Variants in CADM2 observed in about 807,000 individuals in gnomAD.
CADM2 encodes cell adhesion molecule 2.
A neutral mutation model predicts 49.8 loss-of-function variants in CADM2; 12 were observed. The ratio of observed to expected loss-of-function variants is 0.24; its 90% CI spans 0.15 to 0.39. CADM2 has a LOEUF of 0.39. CADM2 is among the 10% of genes least tolerant of loss of function. The pLI, the probability that CADM2 is intolerant of heterozygous loss-of-function variation, is 1.00. For synonymous variants in CADM2, 214 were observed against 175.4 expected (o/e 1.22, Z -1.74); for missense variants, 378 against 492.3 (o/e 0.77, Z 2.20).
At chr3:85,231,495 G>C (rs1005892744) in intron 1 of CADM2, among the ~76,000 whole-genome samples, 1 of 151,918 alleles carries the variant, frequency 6.6e-6, no homozygotes, top group Non-Finnish European at 1.5e-5. Flanking sequence ...TCAGAGGTGG[G>C]CAAACACATG....
intron 1 of CADM2, among the ~76,000 whole-genome samples, chr3:85,682,341 T>G (rs144817883): frequency 4.7e-4 from 72 of 152,160 alleles, no homozygotes; most frequent in African/African-American, 1.6e-3. Flanking sequence ...CCTTTCTAAA[T>G]AGGAGGAAAG....
intron 1 of CADM2, among the ~76,000 whole-genome samples, chr3:85,340,618 G>A (rs1253820248): frequency 6.6e-6 from 1 of 151,192 alleles, no homozygotes; most frequent in African/African-American, 2.4e-5. Flanking sequence ...TAGGTTTTTT[G>A]GCTCAATGTA....
intron 1 of CADM2, among the ~76,000 whole-genome samples, chr3:85,424,299 T>C (rs74445352): frequency 0.021 from 3,124 of 151,738 alleles, 102 homozygotes; most frequent in African/African-American, 0.071. Context: ...AGATAGTAGA[T>C]TTAAAAAATT....
At chr3:85,317,607 G>A (rs1214833980) in intron 1 of CADM2, among the ~76,000 whole-genome samples, 1 of 152,142 alleles carries the variant, frequency 6.6e-6, no homozygotes, top group Non-Finnish European at 1.5e-5. Context: ...CACAGAGGAG[G>A]AACACTGTTT....
intron 1 of CADM2, among the ~76,000 whole-genome samples, chr3:84,980,889 G>A (rs2032134827): frequency 2.0e-5 from 3 of 152,108 alleles, no homozygotes; most frequent in Admixed American, 2.0e-4. Flanking sequence ...AAAATTGTTA[G>A]ATCCAGAATT....
At chr3:85,308,208 G>A (rs1381024659) in intron 1 of CADM2, among the ~76,000 whole-genome samples, 2 of 151,194 alleles carry the variant, frequency 1.3e-5, no homozygotes, top group Non-Finnish European at 3.0e-5. Context: ...TACTGAGTAG[G>A]GTGTGGGTTT....
At chr3:85,777,549 T>C (rs1481391157) in intron 2 of CADM2, among the ~76,000 whole-genome samples, 53 of 152,210 alleles carry the variant, frequency 3.5e-4, no homozygotes, top group Non-Finnish European at 2.9e-5. Flanking sequence ...CCACTGCACC[T>C]GGCCTGCTAT....
chr3:85,386,407 G>A (rs139778951), intron 1 of CADM2, among the ~76,000 whole-genome samples: 1 of 152,242 alleles, frequency 6.6e-6, no homozygotes, highest in East Asian at 1.9e-4. Context: ...CAACTAGATA[G>A]GGCAACTGAG....
intron 1 of CADM2, among the ~76,000 whole-genome samples, chr3:85,525,700 CAACTT>C (rs1237183263): frequency 1.3e-5 from 2 of 152,012 alleles, no homozygotes; most frequent in African/African-American, 2.4e-5. Flanking sequence ...TTTGATGTGT[CAACTT>C]AATTTATTCT....
intron 1 of CADM2, among the ~76,000 whole-genome samples, chr3:85,650,801 G>A (rs886097530): frequency 6.6e-6 from 1 of 151,208 alleles, no homozygotes; most frequent in Non-Finnish European, 1.5e-5. Context: ...TAATGAATAT[G>A]TATTTTGTTT....
At chr3:85,531,738 T>C (rs193283590) in intron 1 of CADM2, among the ~76,000 whole-genome samples, 1 of 152,090 alleles carries the variant, frequency 6.6e-6, no homozygotes, top group Admixed American at 6.5e-5. Context: ...CCATGATCTA[T>C]AAATAAACGA....
At chr3:85,738,666 T>C (rs1461677686) in intron 2 of CADM2, among the ~76,000 whole-genome samples, 1 of 152,234 alleles carries the variant, frequency 6.6e-6, no homozygotes, top group Non-Finnish European at 1.5e-5. Flanking sequence ...TTCTGCCTTT[T>C]TTCTTTTTAA....
intron 1 of CADM2, among the ~76,000 whole-genome samples, chr3:85,514,297 C>T (rs1394322582): frequency 6.6e-6 from 1 of 151,996 alleles, no homozygotes; most frequent in African/African-American, 2.4e-5. Flanking sequence ...ATTCTCTATT[C>T]ACGTTTTGTA....
At chr3:86,002,410 G>C (rs1158723476) in intron 8 of CADM2, among the ~76,000 whole-genome samples, 1 of 152,132 alleles carries the variant, frequency 6.6e-6, no homozygotes, top group Non-Finnish European at 1.5e-5. Context: ...TGAGTAGACA[G>C]ATGTCCAATT....
intron 1 of CADM2, among the ~76,000 whole-genome samples, chr3:85,089,168 G>C (rs2037499764): frequency 6.6e-6 from 1 of 152,122 alleles, no homozygotes; most frequent in South Asian, 2.1e-4. Flanking sequence ...TAATCTTGTG[G>C]TGGTTTTCTA....
chr3:85,900,753 C>T lies in CADM2; in HGVS notation c.530-11620C>T, dbSNP rs141270335. Among the ~76,000 whole-genome samples the T allele has an allele frequency of 7.9e-5, 12 of 152,200 alleles. No individual in the cohort carries two copies. In the East Asian group the frequency reaches 1.2e-3, roughly 15 times the overall value. On this transcript the variant is annotated intron_variant, in intron 5 of 9. Coordinates refer to ENST00000383699, the MANE Select transcript of CADM2 (RefSeq NM_001167675.2). ...ATTTGCTAGTTCCATAGCTCTCATC[C>T]GGTGATGGAGGGACTTAATTACTGC...
At chr3:85,232,617 A>G (rs1266501571) in intron 1 of CADM2, among the ~76,000 whole-genome samples, 1 of 152,182 alleles carries the variant, frequency 6.6e-6, no homozygotes, top group Non-Finnish European at 1.5e-5. Context: ...AAAAGATATG[A>G]ATAGATATCT....
rs980915476 is a variant in CADM2, at chr3:85,782,668, GA to G, written c.89-19369del. On this transcript the variant is annotated intron_variant, in intron 2 of 9. Coordinates refer to ENST00000383699, the MANE Select transcript of CADM2 (RefSeq NM_001167675.2). ...GAGACTCAGTCTCAAAAAAAAAAAA[GA>G]AAAAAAAAAGAAAAAAGAAATATAC... 2.8e-3 allele frequency among the ~76,000 whole-genome samples: 388 copies of G among 139,138 alleles called. 7 individuals are homozygous for G. The highest frequency in any genetic ancestry group is 0.011 in the Middle Eastern group (3 of 270). The allele number at this position is 139,138 out of a possible 152,430, so 91.3% of individuals were successfully genotyped here.
chr3:85,132,737 T>C (rs2039275002), intron 1 of CADM2, among the ~76,000 whole-genome samples: 1 of 152,138 alleles, frequency 6.6e-6, no homozygotes, highest in Admixed American at 6.5e-5. Flanking sequence ...TGTCAATAAA[T>C]GCAAAATGTT....
Sources: gnomAD v4.1 joint callset for allele counts (sites outside exome capture counted in the v4.1 genomes callset) on GRCh38, gnomAD v4.1.1 for gene constraint, MANE v1.5 for transcripts, NCBI Gene and HGNC (gene_info 2026-07-23, HGNC 2026-07-21) for gene names.